Variants in ELMO1 observed in about 807,000 individuals in gnomAD.
ELMO1 encodes the protein engulfment and cell motility 1.
A neutral mutation model predicts 98.9 loss-of-function variants in ELMO1; 26 were observed. The observed-to-expected ratio is 0.26, with a 90% CI of 0.19 to 0.36. ELMO1 has a LOEUF of 0.36. Among genes scored for constraint, ELMO1 ranks in the 10% least tolerant of loss-of-function variants. The pLI is 1.00. For missense variants in ELMO1, 627 were observed against 935.2 expected, an observed-to-expected ratio of 0.67 and a Z score of 4.30; for synonymous variants, 346 against 346.0, an observed-to-expected ratio of 1.00 and a Z score of 0.00.
At chr7:37,080,393 A>T (rs1313040168) in intron 15 of ELMO1, among the ~76,000 whole-genome samples, 1 of 151,788 alleles carries the variant, frequency 6.6e-6, no homozygotes, top group East Asian at 1.9e-4. Context: ...AATTGGTTAC[A>T]AGGGCCTACA....
chr7:37,404,565 C>T (rs1233568817), intron 1 of ELMO1, among the ~76,000 whole-genome samples: 1 of 152,188 alleles, frequency 6.6e-6, no homozygotes. Context: ...CTGGGCCCTT[C>T]AGGTTGTTCC....
At chr7:37,445,241 CA>C (rs1342871504) in intron 1 of ELMO1, among the ~76,000 whole-genome samples, 1 of 152,216 alleles carries the variant, frequency 6.6e-6, no homozygotes, top group Non-Finnish European at 1.5e-5. Context: ...TAAAGTTGCA[CA>C]ATTAGTAGCA....
At chr7:37,040,062 G>A (rs1240096760) in intron 15 of ELMO1, among the ~76,000 whole-genome samples, 1 of 152,162 alleles carries the variant, frequency 6.6e-6, no homozygotes, top group East Asian at 1.9e-4. Context: ...GTGTGTATGT[G>A]TGCGGACTGA....
At chr7:37,147,746 G>A (rs1229309995) in intron 13 of ELMO1, among the ~76,000 whole-genome samples, 1 of 151,534 alleles carries the variant, frequency 6.6e-6, no homozygotes, top group East Asian at 1.9e-4. Flanking sequence ...ATGCAACCCA[G>A]TTCCTGATAC....
intron 15 of ELMO1, among the ~76,000 whole-genome samples, chr7:37,081,207 A>G (rs558671615): frequency 5.1e-4 from 78 of 152,326 alleles, no homozygotes; most frequent in African/African-American, 1.8e-3. Context: ...ATACCTGTCA[A>G]TGGGAGACAT....
intron 4 of ELMO1, among the ~76,000 whole-genome samples, chr7:37,314,592 A>C (rs1799056167): frequency 6.6e-6 from 1 of 152,250 alleles, no homozygotes; most frequent in African/African-American, 2.4e-5. Flanking sequence ...ACCAAGCAGT[A>C]AGAGAGACAT....
At chr7:36,947,252 C>T (rs1206925350) in intron 16 of ELMO1, among the ~76,000 whole-genome samples, 3 of 152,230 alleles carry the variant, frequency 2.0e-5, no homozygotes, top group African/African-American at 7.2e-5. Flanking sequence ...AATTCACTTT[C>T]TAGCTTTGAG....
chr7:37,231,332 C>CAA lies in ELMO1; in HGVS notation c.549+1761_549+1762dup, dbSNP rs35802499. Among the ~76,000 whole-genome samples, 1,116 of 144,588 alleles carry CAA rather than the reference C, an allele frequency of 7.7e-3. 13 individuals carry two copies. The highest frequency in any genetic ancestry group is 0.022 in the African/African-American group (881 of 39,208). The allele number at this position is 144,588 out of a possible 152,430, so 94.9% of individuals were successfully genotyped here. A position where few individuals can be genotyped will look rare whatever the true frequency, so the allele number is the denominator to read the frequency against. ...TCTCCCCTAAGATAATGATTAATTT[C>CAA]AAAAAAAAAAAAAGCAGCACGTTTA... On this transcript the variant is annotated intron_variant, in intron 8 of 21. Transcript: ENST00000310758.
chr7:36,924,068 G>T (rs1785348361), intron 16 of ELMO1, among the ~76,000 whole-genome samples: 1 of 152,216 alleles, frequency 6.6e-6, no homozygotes, highest in Non-Finnish European at 1.5e-5. Flanking sequence ...TGAACAAGGA[G>T]TGCTGAGGTC....
chr7:37,387,242 T>A (rs1802846792), intron 1 of ELMO1, among the ~76,000 whole-genome samples: 1 of 152,248 alleles, frequency 6.6e-6, no homozygotes, highest in African/African-American at 2.4e-5. Flanking sequence ...GAGTGCTGCC[T>A]TAACAAAGCA....
chr7:37,367,346 A>G (rs930026256), intron 1 of ELMO1, among the ~76,000 whole-genome samples: 4 of 152,154 alleles, frequency 2.6e-5, no homozygotes, highest in African/African-American at 9.7e-5. Flanking sequence ...ACACCGGTCT[A>G]TGTGTTTATT....
intron 15 of ELMO1, among the ~76,000 whole-genome samples, chr7:37,043,404 C>T (rs1795632465): frequency 6.6e-6 from 1 of 152,076 alleles, no homozygotes; most frequent in South Asian, 2.1e-4. Context: ...TAGTGGTGCC[C>T]CAGAAAGCAG....
rs142425368 is a variant in ELMO1, at chr7:36,855,719, T to G, written c.2016A>C (p.Leu672=). The change falls in exon 22 of 22, where the codon CTA becomes CTC. Residue 672 remains leucine (L), a synonymous_variant. Coordinates refer to ENST00000310758, the MANE Select transcript of ELMO1 (RefSeq NM_014800.11). This position sits in a 1 kb window ranked among gnomAD's most constrained non-coding sequence, Gnocchi z 4.2. ...GGTCGCTCATCATGTCCTTCCCGAG[T>G]AGCGCATTCAGTCCATCCGTCCAGA... ...YCIWTDGLNA[L]LGKDMMSDLT... The G allele has an allele frequency of 2.2e-5, 35 of 1,613,780 alleles. No homozygotes were observed. The African/African-American group carries it at 4.4e-4, about 20-fold the overall frequency.
At chr7:36,990,131 T>C (rs888775121) in intron 16 of ELMO1, among the ~76,000 whole-genome samples, 1 of 152,174 alleles carries the variant, frequency 6.6e-6, no homozygotes, top group Non-Finnish European at 1.5e-5. Flanking sequence ...TTCCAAAGAA[T>C]TTTTGCATGG....
intron 13 of ELMO1, among the ~76,000 whole-genome samples, chr7:37,148,341 C>T (rs1022052287): frequency 9.2e-5 from 14 of 152,198 alleles, no homozygotes; most frequent in Non-Finnish European, 1.9e-4. Flanking sequence ...AAAGATCATA[C>T]ACCAACGATT....
intron 13 of ELMO1, among the ~76,000 whole-genome samples, chr7:37,150,951 A>T (rs901818735): frequency 6.6e-6 from 1 of 152,256 alleles, no homozygotes; most frequent in African/African-American, 2.4e-5. Context: ...ACCCTGCTCA[A>T]GTACTCGCTG....
rs79932854 is a variant in ELMO1, at chr7:37,376,497, G to A, written c.-73-33734C>T. ...AACCTAAGATTGGTCTTTGAGATACGTTTCAGATTTTTTGCATTCTGGTGA... is the reference window on the plus strand; with the variant it reads ...AACCTAAGATTGGTCTTTGAGATACATTTCAGATTTTTTGCATTCTGGTGA... On this transcript the variant is annotated intron_variant, in intron 1 of 21. Coordinates refer to ENST00000310758, the MANE Select transcript of ELMO1 (RefSeq NM_014800.11). 2.3e-3 allele frequency among the ~76,000 whole-genome samples: 357 copies of A among 152,222 alleles called. 1 individual carries two copies. Among genetic ancestry groups the A allele is most frequent in the African/African-American group, 5.9e-3 (245 of 41,530 alleles).
rs146910650 is a variant in ELMO1 at position 37,178,909 on chromosome 7, A to G, written c.1086+32477T>C. 2.5e-3 allele frequency among the ~76,000 whole-genome samples: 384 copies of G among 152,374 alleles called. 2 individuals carry two copies. Among genetic ancestry groups the G allele is most frequent in the African/African-American group, 9.0e-3 (374 of 41,586 alleles). On this transcript the variant is annotated intron_variant, in intron 13 of 21. Transcript: ENST00000310758. The stretch of plus-strand genomic sequence containing the variant: ...AAGCTGTCGCAGGTTGAATGAGACT[A>G]TAACTAAATGCTACCTGGGATCTGA...
chr7:37,344,339 A>G (rs1040384862), intron 1 of ELMO1, among the ~76,000 whole-genome samples: 5 of 151,650 alleles, frequency 3.3e-5, no homozygotes, highest in Admixed American at 3.3e-4. Context: ...GCCAAAAGGG[A>G]GCATTCTTTT....
Sources: allele counts gnomAD v4.1 joint callset (sites outside exome capture counted in the v4.1 genomes callset), GRCh38; gene constraint gnomAD v4.1.1; non-coding constraint Gnocchi (gnomAD v3.1); transcripts MANE v1.5; gene names NCBI Gene and HGNC (gene_info 2026-07-23, HGNC 2026-07-21).